Variants in CERKL observed in about 807,000 individuals in gnomAD.
CERKL encodes CERK like autophagy regulator.
In CERKL, 61 loss-of-function variants were observed where a neutral mutation model predicts 63.4. The observed-to-expected ratio is 0.96, with a 90% CI of 0.78 to 1.19. The LOEUF is 1.19. Ranked by LOEUF, CERKL falls within the 50% of genes most tolerant of loss-of-function variation. The pLI is 0.00. For missense variants in CERKL, 675 were observed against 655.5 expected (o/e 1.03, Z -0.33); for synonymous variants, 250 against 230.5 (o/e 1.08, Z -0.77).
At chr2:181,618,836 G>T (rs1686328033) in intron 1 of CERKL, among the ~76,000 whole-genome samples, 1 of 152,064 alleles carries the variant, frequency 6.6e-6, no homozygotes, top group Non-Finnish European at 1.5e-5. Flanking sequence ...GTATAAAAGG[G>T]TTCCAAGACC....
intron 2 of CERKL, among the ~76,000 whole-genome samples, chr2:181,587,174 C>G (rs1250447438): frequency 6.6e-6 from 1 of 152,106 alleles, no homozygotes; most frequent in African/African-American, 2.4e-5. Flanking sequence ...TCCACAAAAG[C>G]TTATAGATGC....
rs772801688 is a variant in CERKL, at chr2:181,544,709, T to C, written c.1356A>G (p.Val452=). ...FIKHLKRYAS[V]KNQFNFPFVE... is the part of the protein sequence containing the mutation. ...AAAGAATTTACTATACCTGATTTTT[T>C]ACACTGGCATATCTTTTCAGGTGTT... The change falls in exon 11 of 13, where the codon GTA becomes GTG. Residue 452 remains valine, a synonymous_variant. Coordinates refer to ENST00000410087, the MANE Select transcript of CERKL (RefSeq NM_201548.5). 4.4e-6 allele frequency: 7 copies of C among 1,595,106 alleles called. No individual in the cohort carries two copies. The highest frequency in any genetic ancestry group is 1.3e-5 in the African/African-American group (1 of 74,592).
chr2:181,596,949 G>A (rs1685238869), intron 2 of CERKL, among the ~76,000 whole-genome samples: 1 of 152,096 alleles, frequency 6.6e-6, no homozygotes. Context: ...TAACATAAAT[G>A]CTATCCTTTT....
chr2:181,580,490 T>C (rs1229647608), intron 2 of CERKL, among the ~76,000 whole-genome samples: 1 of 152,108 alleles, frequency 6.6e-6, no homozygotes, highest in Non-Finnish European at 1.5e-5. Context: ...CCAATGTTCA[T>C]ACCATTCATT....
At chr2:181,603,639 T>A (rs893781115) in intron 2 of CERKL, 198 bp downstream of exon 2, 6 of 659,032 alleles carry the variant, frequency 9.1e-6, no homozygotes, top group Non-Finnish European at 1.4e-5. Flanking sequence ...ATTAACAGGA[T>A]GTAGGGAAAA....
intron 1 of CERKL, among the ~76,000 whole-genome samples, chr2:181,639,751 G>A (rs1035109303): frequency 2.6e-5 from 4 of 152,170 alleles, no homozygotes; most frequent in African/African-American, 9.7e-5. Context: ...GAAATTACTG[G>A]TATGACCTTG....
At chr2:181,538,376 T>C in intron 12 of CERKL, 132 bp from the exon 13 acceptor site, 1 of 621,766 alleles carries the variant, frequency 1.6e-6, no homozygotes, top group Non-Finnish European at 2.9e-6. Flanking sequence ...AGCTGTAATC[T>C]AGAAAACTGA....
At chr2:181,551,545 C>A (rs967152927) in intron 5 of CERKL, among the ~76,000 whole-genome samples, 10 of 147,914 alleles carry the variant, frequency 6.8e-5, no homozygotes, top group Non-Finnish European at 1.0e-4. Flanking sequence ...ATGTGGCCAA[C>A]AAACATATAA....
At chr2:181,624,071 G>A (rs1027475985) in intron 1 of CERKL, among the ~76,000 whole-genome samples, 1 of 152,150 alleles carries the variant, frequency 6.6e-6, no homozygotes, top group Non-Finnish European at 1.5e-5. Context: ...TCAAGGAACG[G>A]TAAGATGTGG....
At chr2:181,595,814 T>C (rs918349415) in intron 2 of CERKL, among the ~76,000 whole-genome samples, 3 of 152,194 alleles carry the variant, frequency 2.0e-5, no homozygotes, top group African/African-American at 7.2e-5. Flanking sequence ...AAACTCATAA[T>C]TTTATTTCCC....
chr2:181,561,582 G>A (rs940158735), intron 4 of CERKL, among the ~76,000 whole-genome samples: 3 of 152,074 alleles, frequency 2.0e-5, no homozygotes, highest in African/African-American at 7.2e-5. Context: ...AAATGGCCCT[G>A]CAAAGCTATC....
rs371040311 is a variant in CERKL, at chr2:181,595,312, G to A, written c.481+8525C>T. Among the ~76,000 whole-genome samples, 21 of 152,072 alleles carry A rather than the reference G, an allele frequency of 1.4e-4. No homozygotes were observed. In the South Asian group the frequency reaches 4.4e-3, roughly 32 times the overall value. On this transcript the variant is annotated intron_variant, in intron 2 of 12. Coordinates refer to ENST00000410087, the MANE Select transcript of CERKL (RefSeq NM_201548.5). Reference sequence around the variant, plus strand: ...TTGAGAAATCTCAATAATAGCAACAGTCATGAGGAAACTTTTTTAAGTATT... The same window carrying A: ...TTGAGAAATCTCAATAATAGCAACAATCATGAGGAAACTTTTTTAAGTATT...
chr2:181,587,122 T>A (rs1684801629), intron 2 of CERKL, among the ~76,000 whole-genome samples: 1 of 152,222 alleles, frequency 6.6e-6, no homozygotes, highest in African/African-American at 2.4e-5. Context: ...AGATATTTTA[T>A]ATTGGCAATT....
At chr2:181,556,645 G>A (rs1009246615) in intron 5 of CERKL, among the ~76,000 whole-genome samples, 7 of 152,112 alleles carry the variant, frequency 4.6e-5, no homozygotes, top group Non-Finnish European at 1.0e-4. Context: ...GTCTATCATT[G>A]TTGGACATTT....
chr2:181,577,130 A>G (rs1310171124), intron 2 of CERKL, among the ~76,000 whole-genome samples: 1 of 152,200 alleles, frequency 6.6e-6, no homozygotes, highest in African/African-American at 2.4e-5. Flanking sequence ...AAGGGGCCAC[A>G]TTTTGAGAAC....
At position 181,558,748 on chromosome 2, in the gene CERKL, G is replaced by C; in HGVS notation, c.678-40C>G. On this transcript the variant is annotated intron_variant, in intron 4 of 12. Transcript: ENST00000410087. This position sits in a 1 kb window ranked among gnomAD's most constrained non-coding sequence, Gnocchi z 4.2. Reference sequence around the variant, plus strand: ...ATCAAGCAAAGAAGGCAAAACTTCAGAATGATTGGTAATAAGTCATGAAAT... The same window carrying C: ...ATCAAGCAAAGAAGGCAAAACTTCACAATGATTGGTAATAAGTCATGAAAT... 6.2e-7 allele frequency: 1 copy of C among 1,605,860 alleles called. No homozygotes were observed. The highest frequency in any genetic ancestry group is 8.5e-7 in the Non-Finnish European group (1 of 1,173,264).
At chr2:181,614,523 CTTTT>C (rs570719041) in intron 1 of CERKL, among the ~76,000 whole-genome samples, 1 of 152,194 alleles carries the variant, frequency 6.6e-6, no homozygotes, top group East Asian at 1.9e-4. Context: ...AAAAATACTG[CTTTT>C]TGTTTATAAA....
chr2:181,542,626 T>C (rs1366809376), intron 11 of CERKL, among the ~76,000 whole-genome samples: 1 of 96,900 alleles, frequency 1.0e-5, no homozygotes, highest in Non-Finnish European at 2.2e-5. Flanking sequence ...TTTAGAATTC[T>C]TTGCAAAAAA....
At chr2:181,647,926 T>C (rs767680956) in intron 1 of CERKL, among the ~76,000 whole-genome samples, 1 of 151,956 alleles carries the variant, frequency 6.6e-6, no homozygotes, top group Non-Finnish European at 1.5e-5. Flanking sequence ...ATCTGAAGAA[T>C]GCAGTGAATA....
Sources: allele counts gnomAD v4.1 joint callset (sites outside exome capture counted in the v4.1 genomes callset), GRCh38; gene constraint gnomAD v4.1.1; non-coding constraint Gnocchi (gnomAD v3.1); transcripts MANE v1.5; gene names NCBI Gene and HGNC (gene_info 2026-07-23, HGNC 2026-07-21).